Variants in TAOK3 observed in about 807,000 individuals in gnomAD.
TAOK3 encodes the protein TAO kinase 3.
A neutral mutation model predicts 120.4 loss-of-function variants in TAOK3; 40 were observed. The observed-to-expected ratio is 0.33, with a 90% CI of 0.26 to 0.43. The LOEUF (loss-of-function observed/expected upper bound fraction) is 0.43. Ranked by LOEUF, TAOK3 falls within the 20% of genes least tolerant of loss-of-function variation. The probability of loss-of-function intolerance (pLI) is 1.00; values close to 1 mark genes in which losing one functional copy is unlikely to be tolerated. For missense variants in TAOK3, 821 were observed against 1,112.1 expected (o/e 0.74, Z 3.72); for synonymous variants, 355 against 387.5 (o/e 0.92, Z 0.99).
intron 1 of TAOK3, among the ~76,000 whole-genome samples, chr12:118,331,088 GA>G (rs1011490322): frequency 1.3e-5 from 2 of 152,174 alleles, no homozygotes; most frequent in African/African-American, 4.8e-5. Flanking sequence ...TACTACATAT[GA>G]TTAGTATTTT....
At chr12:118,180,315 A>G (rs932219565) in intron 15 of TAOK3, among the ~76,000 whole-genome samples, 2 of 151,192 alleles carry the variant, frequency 1.3e-5, no homozygotes, top group Non-Finnish European at 2.9e-5. Flanking sequence ...ATCTCGGCTC[A>G]CTGCAACCTC....
intron 3 of TAOK3, among the ~76,000 whole-genome samples, chr12:118,253,662 G>T (rs1312264478): frequency 1.3e-5 from 2 of 151,886 alleles, no homozygotes; most frequent in East Asian, 1.9e-4. Flanking sequence ...GCTTGAACCC[G>T]GGAGGTGGAG....
intron 1 of TAOK3, among the ~76,000 whole-genome samples, chr12:118,300,451 T>C (rs998649107): frequency 5.3e-5 from 8 of 152,074 alleles, no homozygotes; most frequent in African/African-American, 1.7e-4. Context: ...TGTGGGAGGA[T>C]TGGGTGTTGA....
At chr12:118,153,601 G>A (rs2034604686) in intron 19 of TAOK3, among the ~76,000 whole-genome samples, 1 of 152,148 alleles carries the variant, frequency 6.6e-6, no homozygotes, top group South Asian at 2.1e-4. Context: ...ACAGTGTTTA[G>A]GAATGATGAC....
chr12:118,314,859 T>A (rs2043389828), intron 1 of TAOK3, among the ~76,000 whole-genome samples: 1 of 152,146 alleles, frequency 6.6e-6, no homozygotes, highest in South Asian at 2.1e-4. Flanking sequence ...TAGCACTATC[T>A]AGTGAAGTTG....
chr12:118,166,827 T>TATATAC (rs774334586), intron 17 of TAOK3, among the ~76,000 whole-genome samples: 45 of 146,720 alleles, frequency 3.1e-4, no homozygotes, highest in Non-Finnish European at 5.8e-4. Flanking sequence ...TATATATATA[T>TATATAC]ACACACACAC....
At chr12:118,365,853 TCTG>T (rs1236744295) in intron 1 of TAOK3, among the ~76,000 whole-genome samples, 3 of 152,206 alleles carry the variant, frequency 2.0e-5, no homozygotes, top group African/African-American at 7.2e-5. Flanking sequence ...AATTTAAATC[TCTG>T]CTATTAAATC....
chr12:118,238,333 G>C (rs1249568527), intron 6 of TAOK3, among the ~76,000 whole-genome samples, 164 bp from the exon 7 acceptor site: 1 of 151,996 alleles, frequency 6.6e-6, no homozygotes, highest in African/African-American at 2.4e-5. Context: ...CAGACAACAG[G>C]AAACCCAAGT....
chr12:118,301,530 A>G, intron 1 of TAOK3, among the ~76,000 whole-genome samples: 1 of 152,112 alleles, frequency 6.6e-6, no homozygotes, highest in Admixed American at 6.5e-5. Flanking sequence ...GCAGTCATTA[A>G]AGCCTGAAGT....
intron 13 of TAOK3, 40 bp from the exon 14 acceptor site, chr12:118,189,981 GCT>G: frequency 6.2e-7 from 1 of 1,607,670 alleles, no homozygotes; most frequent in Non-Finnish European, 8.5e-7. Context: ...GTCCAGCTGT[GCT>G]CTTTCCTCGC....
rs559554238 is a variant in TAOK3, at chr12:118,321,849, G to A, written c.-194+50799C>T. On this transcript the variant is annotated intron_variant, in intron 1 of 20. Transcript: ENST00000392533. ...TTTTTGCAAGTTTTTTTTTTGAGAC[G>A]GAGTCTCACTGTCTCCCAGGCTGTA... Among the ~76,000 whole-genome samples the A allele has an allele frequency of 6.6e-5, 10 of 151,386 alleles. No homozygotes were observed. The East Asian group carries it at 1.6e-3, about 24-fold the overall frequency.
Position 118,235,582 on chromosome 12 carries a change from T to A in TAOK3, c.527A>T (p.Asn176Ile). 6.2e-7 allele frequency: 1 copy of A among 1,613,676 alleles called. No homozygotes were observed. The highest frequency in any genetic ancestry group is 8.5e-7 in the Non-Finnish European group (1 of 1,179,874). ...FGSASMASPANSFVGTPYWMA... is the reference protein window; with the variant it reads ...FGSASMASPAISFVGTPYWMA... The stretch of plus-strand genomic sequence containing the variant: ...CCAGTAAGGTGTGCCCACGAAGGAG[T>A]TGGCAGGAGAAGCCATTGAAGCAGA... The change falls in exon 8 of 21, where the codon AAC becomes ATC. Residue 176 changes from asparagine (N) to isoleucine (I), a missense_variant. By Grantham distance (149) the Asn-to-Ile change is moderately radical. Transcript: ENST00000392533.
intron 1 of TAOK3, among the ~76,000 whole-genome samples, chr12:118,318,158 CTT>C (rs766334747): frequency 6.8e-4 from 90 of 133,116 alleles, no homozygotes; most frequent in Non-Finnish European, 5.6e-4. Flanking sequence ...AGCTATAAAA[CTT>C]TTTTTTTTTT....
intron 9 of TAOK3, among the ~76,000 whole-genome samples, chr12:118,214,718 A>T (rs1388747922): frequency 6.7e-6 from 1 of 148,768 alleles, no homozygotes; most frequent in Non-Finnish European, 1.5e-5. Context: ...CAGGTGCCTG[A>T]CATCGTGCAT....
intron 14 of TAOK3, among the ~76,000 whole-genome samples, chr12:118,185,668 G>T (rs1330826279): frequency 6.6e-6 from 1 of 152,124 alleles, no homozygotes; most frequent in Non-Finnish European, 1.5e-5. Context: ...CTGATAACAG[G>T]CAATTCTGCA....
Position 118,177,188 on chromosome 12 carries a change from T to C in TAOK3, c.1695+13A>G. The C allele has an allele frequency of 2.5e-6, 4 of 1,612,044 alleles. No homozygotes were observed. The highest frequency in any genetic ancestry group is 1.3e-5 in the African/African-American group (1 of 74,944). ...AATGGCAACTTGGTGAGAACAAACATTGGTATCCTTACCTCTTTTATTTTT... is the reference window on the plus strand; with the variant it reads ...AATGGCAACTTGGTGAGAACAAACACTGGTATCCTTACCTCTTTTATTTTT... On this transcript the variant is annotated intron_variant, in intron 16 of 20. Coordinates refer to ENST00000392533, the MANE Select transcript of TAOK3 (RefSeq NM_016281.4).
In TAOK3 at chr12:118,319,690, AAAC is replaced by A. The variant is rs570636332; in HGVS notation, c.-193-52934_-193-52932del. Reference sequence around the variant, plus strand: ...TGATTATAATTAAAAAAAAACCAGAAAACAACAAGTGTTGGTGAGGATGTGAAG... The same window carrying A: ...TGATTATAATTAAAAAAAAACCAGAAAACAAGTGTTGGTGAGGATGTGAAG... On this transcript the variant is annotated intron_variant, in intron 1 of 20. Transcript: ENST00000392533. Among the ~76,000 whole-genome samples, 11 of 152,274 alleles carry A rather than the reference AAAC, an allele frequency of 7.2e-5. No individual in the cohort carries two copies. In the East Asian group the frequency reaches 1.2e-3, roughly 16 times the overall value.
At chr12:118,340,462 T>C (rs2044567057) in intron 1 of TAOK3, among the ~76,000 whole-genome samples, 1 of 152,226 alleles carries the variant, frequency 6.6e-6, no homozygotes. Context: ...AAAAATTTTT[T>C]ATGAAAAGAA....
At chr12:118,185,619 A>C (rs996844537) in intron 14 of TAOK3, among the ~76,000 whole-genome samples, 1 of 152,228 alleles carries the variant, frequency 6.6e-6, no homozygotes, top group Admixed American at 6.5e-5. Flanking sequence ...AGAATACCTA[A>C]GGAAAAACTG....
Sources: allele counts gnomAD v4.1 joint callset (sites outside exome capture counted in the v4.1 genomes callset), GRCh38; gene constraint gnomAD v4.1.1; transcripts MANE v1.5; gene names NCBI Gene and HGNC (gene_info 2026-07-23, HGNC 2026-07-21).